The following KIAA1217 variants were observed in gnomAD, a reference collection of about 807,000 sequenced individuals.
The protein encoded by KIAA1217 is sickle tail protein homolog.
In KIAA1217, 88 loss-of-function variants were observed where a neutral mutation model predicts 163.9. The observed-to-expected ratio is 0.54, with a 90% CI of 0.45 to 0.64. The LOEUF (loss-of-function observed/expected upper bound fraction) is 0.64, where lower values mean the gene tolerates loss of function less well. Ranked by LOEUF, KIAA1217 falls within the 30% of genes least tolerant of loss-of-function variation. KIAA1217 has a pLI of 0.00. For synonymous variants in KIAA1217, 903 were observed against 923.1 expected, an observed-to-expected ratio of 0.98 and a Z score of 0.39; for missense variants, 2,372 against 2,475.0, an observed-to-expected ratio of 0.96 and a Z score of 0.88.
chr10:23,918,573 T>G (rs1842716907), intron 1 of KIAA1217, among the ~76,000 whole-genome samples: 1 of 152,142 alleles, frequency 6.6e-6, no homozygotes, highest in Non-Finnish European at 1.5e-5. Flanking sequence ...CTACTGTGAA[T>G]GCTTGCGCTG....
intron 5 of KIAA1217, among the ~76,000 whole-genome samples, chr10:24,467,796 A>ATGTGTATGTGTG (rs1224356941): frequency 2.8e-5 from 4 of 141,288 alleles, no homozygotes; most frequent in African/African-American, 1.1e-4. Context: ...GTATGTGTGT[A>ATGTGTATGTGTG]TGTGTATGTG....
intron 6 of KIAA1217, among the ~76,000 whole-genome samples, chr10:24,487,245 T>C (rs1368058495): frequency 6.6e-6 from 1 of 152,228 alleles, no homozygotes; most frequent in Admixed American, 6.5e-5. Flanking sequence ...GAGTACCTTA[T>C]TGATAGCACT....
intron 2 of KIAA1217, among the ~76,000 whole-genome samples, chr10:24,036,767 C>T (rs74754467): frequency 3.3e-5 from 5 of 152,146 alleles, no homozygotes; most frequent in African/African-American, 4.8e-5. Flanking sequence ...CTCATTACCA[C>T]GAGGACCGCA....
chr10:24,292,196 T>G (rs1200391784), intron 2 of KIAA1217, among the ~76,000 whole-genome samples: 1 of 152,180 alleles, frequency 6.6e-6, no homozygotes, highest in Non-Finnish European at 1.5e-5. Flanking sequence ...CCCCAGAGGA[T>G]TAAGTGGATG....
intron 2 of KIAA1217, among the ~76,000 whole-genome samples, chr10:24,300,578 A>AT (rs1341256489): frequency 1.3e-5 from 2 of 151,718 alleles, no homozygotes; most frequent in Admixed American, 6.6e-5. Context: ...TTCTTTTATT[A>AT]TTTTTTTGAG....
At chr10:24,139,628 T>G (rs990625625) in intron 2 of KIAA1217, among the ~76,000 whole-genome samples, 3 of 152,192 alleles carry the variant, frequency 2.0e-5, no homozygotes, top group African/African-American at 7.2e-5. Flanking sequence ...TATGTGATAT[T>G]GAACAACTTA....
In KIAA1217 at chr10:24,021,071, A is replaced by G. The variant is rs111952206; in HGVS notation, c.-171+13697A>G. Among the ~76,000 whole-genome samples the G allele has an allele frequency of 2.3e-3, 350 of 152,156 alleles. 2 individuals carry two copies. Among genetic ancestry groups the G allele is most frequent in the African/African-American group, 7.6e-3 (316 of 41,562 alleles). Reference sequence around the variant, plus strand: ...CAACACAACTACTGAAATTATGTTTAAAGAATTCAGGGAAAGAAATGTATA... The same window carrying G: ...CAACACAACTACTGAAATTATGTTTGAAGAATTCAGGGAAAGAAATGTATA... On this transcript the variant is annotated intron_variant, in intron 2 of 18. Transcript: ENST00000376462.
chr10:24,169,205 C>T (rs187413106), intron 2 of KIAA1217, among the ~76,000 whole-genome samples: 1 of 152,348 alleles, frequency 6.6e-6, no homozygotes, highest in Non-Finnish European at 1.5e-5. Context: ...CATTAAAGCT[C>T]AGAACTTTAA....
intron 2 of KIAA1217, among the ~76,000 whole-genome samples, chr10:24,071,120 TC>T: frequency 6.6e-6 from 1 of 152,166 alleles, no homozygotes; most frequent in East Asian, 1.9e-4. Context: ...AATTGATAAT[TC>T]CCAATTACTG....
In KIAA1217 at chr10:23,793,751, T is replaced by C. The variant is rs934396279; in HGVS notation, c.-321+98517T>C. 5.9e-5 allele frequency among the ~76,000 whole-genome samples: 9 copies of C among 152,288 alleles called. No homozygotes were observed. In the East Asian group the frequency reaches 1.5e-3, roughly 26 times the overall value. On this transcript the variant is annotated intron_variant, in intron 1 of 18. Transcript: ENST00000376462. ...TGCTGTAACTGCTGCTACAGCCGCC[T>C]TGTGACCTACCACACAGGCCAGCCA...
rs143433606 is a variant in KIAA1217 at position 23,707,249 on chromosome 10, G to A, written c.-321+12015G>A. Among the ~76,000 whole-genome samples the A allele has an allele frequency of 3.1e-3, 477 of 152,196 alleles. 1 individual carries two copies. The highest frequency in any genetic ancestry group is 4.9e-3 in the Non-Finnish European group (334 of 67,986). ...TAGGGGTTTGGTCTGGTGTTCTGGC[G>A]GTGGGAATAACATACCCCAAGGCCC... On this transcript the variant is annotated intron_variant, in intron 1 of 18. Coordinates refer to the KIAA1217 transcript ENST00000376462.
intron 11 of KIAA1217, 75 bp downstream of exon 11, chr10:24,520,328 G>T (rs943189598): frequency 1.3e-6 from 2 of 1,570,718 alleles, no homozygotes; most frequent in Admixed American, 1.8e-5. Flanking sequence ...CCACATAGAG[G>T]ATTCATTCAT....
intron 1 of KIAA1217, among the ~76,000 whole-genome samples, chr10:23,955,547 A>G (rs1844523616): frequency 6.6e-6 from 1 of 152,168 alleles, no homozygotes; most frequent in African/African-American, 2.4e-5. Context: ...TCCCAGTGTA[A>G]AGGAAATCAA....
intron 2 of KIAA1217, among the ~76,000 whole-genome samples, chr10:24,118,294 GCCGCCT>G (rs1027939504): frequency 3.9e-5 from 6 of 152,274 alleles, no homozygotes; most frequent in Non-Finnish European, 8.8e-5. Flanking sequence ...ATGTTGTTGA[GCCGCCT>G]CCGCCACTTG....
chr10:23,970,345 G>A (rs762445424), intron 1 of KIAA1217, among the ~76,000 whole-genome samples: 1 of 152,140 alleles, frequency 6.6e-6, no homozygotes, highest in Non-Finnish European at 1.5e-5. Context: ...CTATCTGGAG[G>A]AACCTGGGCA....
intron 20 of KIAA1217, 200 bp from the exon 21 acceptor site, chr10:24,545,627 C>G: frequency 7.2e-7 from 1 of 1,387,952 alleles, no homozygotes; most frequent in Non-Finnish European, 9.3e-7. Context: ...TTCCTCCTTT[C>G]CCGTCCATCC....
chr10:23,812,343 G>T (rs72771454), intron 1 of KIAA1217, among the ~76,000 whole-genome samples: 1 of 152,282 alleles, frequency 6.6e-6, no homozygotes, highest in Non-Finnish European at 1.5e-5. Context: ...ATTACTTCTA[G>T]CATGAGTTAG....
At chr10:24,348,206 A>G (rs1301667312) in intron 2 of KIAA1217, among the ~76,000 whole-genome samples, 1 of 152,108 alleles carries the variant, frequency 6.6e-6, no homozygotes, top group Non-Finnish European at 1.5e-5. Context: ...ATACAAAATT[A>G]GCTGGGCATG....
intron 5 of KIAA1217, among the ~76,000 whole-genome samples, chr10:24,446,213 C>T (rs915424503): frequency 6.6e-6 from 1 of 152,086 alleles, no homozygotes; most frequent in Non-Finnish European, 1.5e-5. Flanking sequence ...CCTTCACCCA[C>T]TTGTTGATGG....
Sources: allele counts gnomAD v4.1 joint callset (sites outside exome capture counted in the v4.1 genomes callset), GRCh38; gene constraint gnomAD v4.1.1; transcripts MANE v1.5; gene names NCBI Gene and HGNC (gene_info 2026-07-23, HGNC 2026-07-21).